DGKB: variants seen among roughly 807,000 people sequenced by gnomAD.
The protein encoded by DGKB is 90 kDa diacylglycerol kinase.
DGKB carries 67 observed loss-of-function variants against 114.3 expected under a neutral mutation model. The observed-to-expected ratio is 0.59, with a 90% CI of 0.48 to 0.72. The LOEUF (loss-of-function observed/expected upper bound fraction) is 0.72, where lower values mean the gene tolerates loss of function less well. Among genes scored for constraint, DGKB ranks in the 30% least tolerant of loss-of-function variants. DGKB has a pLI of 0.00. For synonymous variants in DGKB, 398 were observed against 323.1 expected (o/e 1.23, Z -2.49); for missense variants, 907 against 975.2 (o/e 0.93, Z 0.93).
intron 1 of DGKB, among the ~76,000 whole-genome samples, chr7:14,934,569 A>G (rs1454835219): frequency 6.6e-6 from 1 of 152,180 alleles, no homozygotes; most frequent in Non-Finnish European, 1.5e-5. Context: ...ACAAGCAACA[A>G]GAAATCATCA....
intron 2 of DGKB, among the ~76,000 whole-genome samples, chr7:14,770,655 C>T (rs1837275558): frequency 6.6e-6 from 1 of 152,110 alleles, no homozygotes; most frequent in Non-Finnish European, 1.5e-5. Context: ...CCCAGGACAT[C>T]ATTCTAGGAT....
chr7:14,713,000 C>G (rs1166625700), intron 6 of DGKB, among the ~76,000 whole-genome samples: 1 of 152,070 alleles, frequency 6.6e-6, no homozygotes, highest in Admixed American at 6.5e-5. Context: ...TCTGACAACA[C>G]GACAGCTTCC....
chr7:14,673,500 G>C (rs531475382), intron 12 of DGKB, among the ~76,000 whole-genome samples: 18 of 144,748 alleles, frequency 1.2e-4, no homozygotes, highest in African/African-American at 4.6e-4. Flanking sequence ...TTTTAACTTT[G>C]TAATTCAATA....
chr7:14,485,687 C>G (rs1014632616), intron 20 of DGKB, among the ~76,000 whole-genome samples: 3 of 151,522 alleles, frequency 2.0e-5, no homozygotes, highest in Non-Finnish European at 2.9e-5. Flanking sequence ...TCACTTGAGA[C>G]CAGCCTGGCC....
chr7:14,483,738 T>C (rs1322202285), intron 20 of DGKB, among the ~76,000 whole-genome samples: 1 of 151,958 alleles, frequency 6.6e-6, no homozygotes, highest in African/African-American at 2.4e-5. Flanking sequence ...GAGACAGAGA[T>C]TAGACAGGAG....
At chr7:14,209,186 C>T (rs200264086) in intron 23 of DGKB, 16 of 199,862 alleles carry the variant, frequency 8.0e-5, no homozygotes, top group Non-Finnish European at 1.1e-4. Context: ...AAAAAAAAAA[C>T]GCCAAATTTA....
At chr7:14,682,185 A>C (rs1276481647) in intron 12 of DGKB, among the ~76,000 whole-genome samples, 3 of 152,246 alleles carry the variant, frequency 2.0e-5, no homozygotes, top group East Asian at 3.9e-4. Context: ...AACCCTTATT[A>C]AACAGGGTTG....
chr7:14,923,282 G>A (rs1784597970), intron 1 of DGKB, among the ~76,000 whole-genome samples: 1 of 151,956 alleles, frequency 6.6e-6, no homozygotes. Flanking sequence ...AAGTTCTCAG[G>A]TGTTATATCT....
At chr7:14,274,305 A>C (rs1273613928) in intron 23 of DGKB, among the ~76,000 whole-genome samples, 1 of 152,052 alleles carries the variant, frequency 6.6e-6, no homozygotes, top group Admixed American at 6.6e-5. Flanking sequence ...ATTTTATTTT[A>C]TTTTTTCTCT....
At chr7:14,544,705 T>C (rs919814592) in intron 20 of DGKB, among the ~76,000 whole-genome samples, 1 of 152,140 alleles carries the variant, frequency 6.6e-6, no homozygotes, top group Non-Finnish European at 1.5e-5. Context: ...GTCAAAAACA[T>C]TGGAGTCTGG....
At chr7:14,692,059 A>T (rs577673175) in intron 9 of DGKB, among the ~76,000 whole-genome samples, 1 of 152,236 alleles carries the variant, frequency 6.6e-6, no homozygotes, top group African/African-American at 2.4e-5. Flanking sequence ...TTGGTTTAAA[A>T]TACTTTGAGT....
chr7:14,645,701 A>G (rs1812832485), intron 13 of DGKB, among the ~76,000 whole-genome samples: 1 of 132,570 alleles, frequency 7.5e-6, no homozygotes, highest in Non-Finnish European at 1.6e-5. Context: ...ATGCTAAAAG[A>G]AAAAAAAAAA....
At chr7:14,793,445 G>T (rs1262768502) in intron 2 of DGKB, among the ~76,000 whole-genome samples, 1 of 152,078 alleles carries the variant, frequency 6.6e-6, no homozygotes, top group African/African-American at 2.4e-5. Context: ...AAGGATTGAA[G>T]ATGCTTTGCC....
intron 2 of DGKB, among the ~76,000 whole-genome samples, chr7:14,783,784 C>G (rs1306281565): frequency 6.6e-6 from 1 of 152,138 alleles, no homozygotes; most frequent in African/African-American, 2.4e-5. Context: ...GATGAGAGAA[C>G]AGGCCTTGAT....
chr7:14,431,145 A>G (rs907544612), intron 21 of DGKB, among the ~76,000 whole-genome samples: 6 of 151,934 alleles, frequency 3.9e-5, no homozygotes, highest in Admixed American at 6.6e-5. Flanking sequence ...TTTCATTGTT[A>G]TGTGTGTAAG....
rs1272295730 is a variant in DGKB, at chr7:14,263,129, A to C, written c.2122+75386T>G. On this transcript the variant is annotated intron_variant, in intron 23 of 25. Transcript: ENST00000402815. ...GGACTATATCTTGTTTTTCTTCCCC[A>C]CTACTCAGCAAATGGAGGTAAATTC... is the stretch of plus-strand genomic sequence containing the variant. Among the ~76,000 whole-genome samples the C allele has an allele frequency of 3.9e-5, 6 of 152,272 alleles. No homozygotes were observed. In the East Asian group the frequency reaches 1.2e-3, roughly 29 times the overall value.
At chr7:14,218,902 T>C (rs1410613702) in intron 23 of DGKB, among the ~76,000 whole-genome samples, 1 of 151,906 alleles carries the variant, frequency 6.6e-6, no homozygotes, top group Non-Finnish European at 1.5e-5. Flanking sequence ...ATATTGCTGC[T>C]GTATTCTCCA....
At chr7:14,215,801 T>G (rs952425588) in intron 23 of DGKB, among the ~76,000 whole-genome samples, 1 of 152,172 alleles carries the variant, frequency 6.6e-6, no homozygotes, top group African/African-American at 2.4e-5. Context: ...GCAATGAAAT[T>G]ATATGCAAAT....
chr7:14,951,734 T>C (rs1786209933), intron 1 of DGKB, among the ~76,000 whole-genome samples: 1 of 151,916 alleles, frequency 6.6e-6, no homozygotes, highest in South Asian at 2.1e-4. Context: ...ATGTTAATAA[T>C]AGAGAAAACT....
Sources: allele counts gnomAD v4.1 joint callset (sites outside exome capture counted in the v4.1 genomes callset), GRCh38; gene constraint gnomAD v4.1.1; transcripts MANE v1.5; gene names NCBI Gene and HGNC (gene_info 2026-07-23, HGNC 2026-07-21).